The following ATCAY variants were observed in gnomAD, a reference collection of about 807,000 sequenced individuals.
ATCAY encodes caytaxin.
In ATCAY, 22 loss-of-function variants were observed where a neutral mutation model predicts 47.7. That is an observed-to-expected ratio of 0.46 (90% confidence interval 0.33 to 0.66). The LOEUF is 0.66. ATCAY is among the 30% of genes least tolerant of loss of function. The probability of loss-of-function intolerance (pLI) is 0.02; values close to 1 mark genes in which losing one functional copy is unlikely to be tolerated. For missense variants in ATCAY, 452 were observed against 515.0 expected (o/e 0.88, Z 1.18); for synonymous variants, 216 against 207.6 (o/e 1.04, Z -0.35).
chr19:3,911,016 CAT>C, intron 8 of ATCAY, 127 bp downstream of exon 8: 2 of 983,016 alleles, frequency 2.0e-6, no homozygotes, highest in Non-Finnish European at 3.1e-6. Flanking sequence ...TGTGTGCATC[CAT>C]GTGTGTGTTT....
chr19:3,909,696 G>A (rs199817870), intron 7 of ATCAY, 79 bp downstream of exon 7: 1 of 1,527,808 alleles, frequency 6.5e-7, no homozygotes, highest in Non-Finnish European at 8.8e-7. Flanking sequence ...CTCACACCTG[G>A]AATCCCAGCA....
chr19:3,897,278 TA>T (rs1335593237), intron 2 of ATCAY, among the ~76,000 whole-genome samples: 1 of 150,386 alleles, frequency 6.6e-6, no homozygotes, highest in African/African-American at 2.5e-5. Flanking sequence ...TATATATATA[TA>T]TATAGCAAAA....
At chr19:3,901,143 CCG>C (rs2038813123) in intron 2 of ATCAY, among the ~76,000 whole-genome samples, 1 of 151,984 alleles carries the variant, frequency 6.6e-6, no homozygotes, top group Non-Finnish European at 1.5e-5. Flanking sequence ...ACCTCGTGAT[CCG>C]CACGCCTCGG....
rs557628839 is a variant in ATCAY, at chr19:3,898,959, C to T, written c.78-3528C>T. ...CCTCCCAAAGTGCCAGGATGACAGG[C>T]GTGAGCCACCGCGCCTGGCCGTCAA... On this transcript the variant is annotated intron_variant, in intron 2 of 12. Transcript: ENST00000450849. Among the ~76,000 whole-genome samples the T allele has an allele frequency of 6.4e-4, 97 of 152,174 alleles. 4 individuals are homozygous for T. The highest frequency in any genetic ancestry group is 5.9e-4 in the Admixed American group (9 of 15,252).
At chr19:3,909,437 C>T in intron 6 of ATCAY, 49 bp from the exon 7 acceptor site, 2 of 1,594,102 alleles carry the variant, frequency 1.3e-6, no homozygotes, top group Non-Finnish European at 1.7e-6. Flanking sequence ...GGTGTCCTGA[C>T]CCTGGACCCC....
intron 2 of ATCAY, among the ~76,000 whole-genome samples, chr19:3,896,208 T>C (rs1157984629): frequency 2.0e-5 from 3 of 150,976 alleles, no homozygotes; most frequent in African/African-American, 7.3e-5. Context: ...GTCCACCTAG[T>C]TCACAGCCAA....
In ATCAY at chr19:3,907,974, C is replaced by G. The variant is rs1308234646; in HGVS notation, c.544+55C>G. ...GGCTCCAGCCCGGCCCACTGGGCAA[C>G]AGGGGGTTCGTCAGTGCCCCTCTCT... On this transcript the variant is annotated intron_variant, in intron 5 of 12. Transcript: ENST00000450849. This position sits in a 1 kb window ranked among gnomAD's most constrained non-coding sequence, Gnocchi z 5.1. 6.4e-6 allele frequency: 10 copies of G among 1,574,170 alleles called. No individual in the cohort carries two copies. The African/African-American group carries it at 8.1e-5, about 13-fold the overall frequency.
intron 9 of ATCAY, 40 bp from the exon 10 acceptor site, chr19:3,917,702 G>T: frequency 6.2e-7 from 1 of 1,612,808 alleles, no homozygotes; most frequent in Non-Finnish European, 8.5e-7. Flanking sequence ...TATCTCAGGG[G>T]AAAGGAAGGT....
At chr19:3,923,382 A>G (rs1242408423) in intron 12 of ATCAY, among the ~76,000 whole-genome samples, 2 of 152,214 alleles carry the variant, frequency 1.3e-5, no homozygotes, top group Non-Finnish European at 2.9e-5. Context: ...TAAAAACACA[A>G]AAGAAGGAAT....
intron 11 of ATCAY, among the ~76,000 whole-genome samples, chr19:3,919,282 T>C (rs1568453638): frequency 1.4e-5 from 2 of 147,250 alleles, no homozygotes; most frequent in South Asian, 2.2e-4. Context: ...AAAAAATAAA[T>C]AAACAAATAA....
At chr19:3,898,085 T>C (rs897037578) in intron 2 of ATCAY, among the ~76,000 whole-genome samples, 1 of 152,094 alleles carries the variant, frequency 6.6e-6, no homozygotes, top group Non-Finnish European at 1.5e-5. Context: ...GGAAATCCTA[T>C]CTACTAAGTC....
At chr19:3,898,139 T>G (rs142133739) in intron 2 of ATCAY, among the ~76,000 whole-genome samples, 1 of 152,184 alleles carries the variant, frequency 6.6e-6, no homozygotes, top group African/African-American at 2.4e-5. Context: ...TGACCACACA[T>G]CTACTTCCTG....
intron 3 of ATCAY, among the ~76,000 whole-genome samples, chr19:3,904,362 A>C (rs2038841907): frequency 6.6e-6 from 1 of 152,164 alleles, no homozygotes; most frequent in Non-Finnish European, 1.5e-5. Flanking sequence ...ATAAATTAGC[A>C]GACTTTGGAT....
chr19:3,893,224 A>G (rs1023433724), intron 2 of ATCAY, among the ~76,000 whole-genome samples: 5 of 138,552 alleles, frequency 3.6e-5, no homozygotes, highest in African/African-American at 1.4e-4. Context: ...CCCAGGCTGG[A>G]GTGCAGTAGC....
At chr19:3,908,479 C>T in intron 6 of ATCAY, 109 bp downstream of exon 6, 1 of 1,057,800 alleles carries the variant, frequency 9.5e-7, no homozygotes, top group Admixed American at 2.0e-5. Flanking sequence ...GCCTGCCTGG[C>T]ACCAGGGAAG....
At chr19:3,915,619 TC>T (rs2038960162) in intron 9 of ATCAY, among the ~76,000 whole-genome samples, 1 of 150,726 alleles carries the variant, frequency 6.6e-6, no homozygotes, top group South Asian at 2.1e-4. Context: ...TGGCACGATC[TC>T]GGGTCACTGC....
At chr19:3,898,798 C>T (rs1241043286) in intron 2 of ATCAY, among the ~76,000 whole-genome samples, 2 of 152,262 alleles carry the variant, frequency 1.3e-5, no homozygotes, top group Admixed American at 6.6e-5. Flanking sequence ...CCTCTTGCCT[C>T]AGCCTCCCAA....
At chr19:3,923,258 A>G (rs2039035312) in intron 12 of ATCAY, among the ~76,000 whole-genome samples, 1 of 152,232 alleles carries the variant, frequency 6.6e-6, no homozygotes, top group East Asian at 1.9e-4. Context: ...CAGACAGAAA[A>G]CACAAGGAAA....
chr19:3,887,667 T>TTA (rs2038672047), intron 2 of ATCAY, among the ~76,000 whole-genome samples: 1 of 150,444 alleles, frequency 6.6e-6, no homozygotes, highest in Non-Finnish European at 1.5e-5. Context: ...TTTGTATTTT[T>TTA]AGTAGAGACG....
Sources: allele counts gnomAD v4.1 joint callset (sites outside exome capture counted in the v4.1 genomes callset), GRCh38; gene constraint gnomAD v4.1.1; non-coding constraint Gnocchi (gnomAD v3.1); transcripts MANE v1.5; gene names NCBI Gene and HGNC (gene_info 2026-07-23, HGNC 2026-07-21).